The following ZNF540 variants were observed in gnomAD, a reference collection of about 807,000 sequenced individuals.
ZNF540 encodes CTD-3064H18.6.
ZNF540 carries 3 observed loss-of-function variants against 11.8 expected under a neutral mutation model. The ratio of observed to expected loss-of-function variants is 0.25; its 90% CI spans 0.12 to 0.65. The LOEUF (loss-of-function observed/expected upper bound fraction) is 0.65, where lower values mean the gene tolerates loss of function less well. Ranked by LOEUF, ZNF540 falls within the 30% of genes least tolerant of loss-of-function variation. The pLI is 0.83. For synonymous variants in ZNF540, 247 were observed against 259.0 expected (o/e 0.95, Z 0.45); for missense variants, 709 against 793.1 (o/e 0.89, Z 1.27).
At chr19:37,576,446 A>G (rs963926127) in intron 1 of ZNF540, among the ~76,000 whole-genome samples, 1 of 152,218 alleles carries the variant, frequency 6.6e-6, no homozygotes, top group Non-Finnish European at 1.5e-5. Flanking sequence ...ACTAATTAGC[A>G]GCTCGTAAAA....
Position 37,598,345 on chromosome 19 carries a change from C to T in ZNF540, c.-72-31C>T. On this transcript the variant is annotated intron_variant, in intron 1 of 4. Coordinates refer to ENST00000316433, the MANE Select transcript of ZNF540 (RefSeq NM_001172225.3). ...GTTACCTCTGAGGCAGACCTAGTCT[C>T]ACTGTCTCATTTTTTTCTCCTCTAA... 5 of 1,143,382 alleles carry T rather than the reference C, an allele frequency of 4.4e-6. No homozygotes were observed. In the South Asian group the frequency reaches 6.6e-5, roughly 15 times the overall value. The allele number at this position is 1,143,382 out of a possible 1,614,324, so 70.8% of individuals were successfully genotyped here.
At chr19:37,609,067 G>A (rs1019396332) in intron 4 of ZNF540, among the ~76,000 whole-genome samples, 4 of 152,036 alleles carry the variant, frequency 2.6e-5, no homozygotes, top group African/African-American at 9.7e-5. Context: ...ATACTATTCA[G>A]TTACTCTGTT....
chr19:37,551,778 G>A (rs1212761215), intron 1 of ZNF540: 1 of 152,282 alleles, frequency 6.6e-6, no homozygotes, highest in African/African-American at 2.4e-5. Flanking sequence ...GTTTCTGTGC[G>A]AGTGTTGCAT....
intron 1 of ZNF540, chr19:37,586,393 G>A (rs1372640720): frequency 8.4e-6 from 4 of 478,742 alleles, no homozygotes; most frequent in African/African-American, 7.9e-5. Context: ...AATCTTAAAA[G>A]GAGGTATTTC....
chr19:37,587,148 G>A (rs1476813249), intron 1 of ZNF540: 1 of 155,628 alleles, frequency 6.4e-6, no homozygotes, highest in Non-Finnish European at 1.4e-5. Context: ...AGACATATCA[G>A]GGTCAACAGA....
Position 37,565,171 on chromosome 19 carries a change from G to A in ZNF540, c.-73+13506G>A, listed in dbSNP as rs766274941. 3.7e-6 allele frequency: 6 copies of A among 1,611,864 alleles called. No individual in the cohort carries two copies. The African/African-American group carries it at 5.4e-5, about 14-fold the overall frequency. On this transcript the variant is annotated intron_variant, in intron 1 of 4. Coordinates refer to the ZNF540 transcript ENST00000592533. ...AGGCCTTTCCACATTCCTTACATTTGTAGGGCTTCTCTCCGGTATGAATTC... is the reference window on the plus strand; with the variant it reads ...AGGCCTTTCCACATTCCTTACATTTATAGGGCTTCTCTCCGGTATGAATTC...
At chr19:37,557,313 C>T (rs562806682) in intron 1 of ZNF540, among the ~76,000 whole-genome samples, 9 of 152,242 alleles carry the variant, frequency 5.9e-5, no homozygotes, top group East Asian at 1.9e-4. Context: ...GCTTTGAAGA[C>T]GGGGGATTCT....
upstream of ZNF540, chr19:37,594,206 A>G (rs1212384048): frequency 6.6e-6 from 1 of 152,262 alleles, no homozygotes; most frequent in Admixed American, 6.5e-5. Context: ...GAAACTTCAA[A>G]AAGAGCCTCT....
chr19:37,588,032 G>A (rs1387950409), intron 1 of ZNF540, among the ~76,000 whole-genome samples: 2 of 147,652 alleles, frequency 1.4e-5, no homozygotes, highest in Non-Finnish European at 3.0e-5. Context: ...CGCGGGAGGT[G>A]GAGGTTGCAG....
chr19:37,594,579 G>C (rs2043962876), upstream of ZNF540: 1 of 152,318 alleles, frequency 6.6e-6, no homozygotes, highest in Admixed American at 6.5e-5. Context: ...CTCCGCAAGC[G>C]CAAGGCCGAC....
intron 4 of ZNF540, among the ~76,000 whole-genome samples, chr19:37,603,174 A>G (rs1285416089): frequency 6.6e-6 from 1 of 151,928 alleles, no homozygotes; most frequent in Non-Finnish European, 1.5e-5. Flanking sequence ...CGCCTGGCTA[A>G]TTTTTGTATT....
intron 1 of ZNF540, among the ~76,000 whole-genome samples, chr19:37,574,423 T>A (rs1418993124): frequency 6.6e-6 from 1 of 152,220 alleles, no homozygotes; most frequent in Non-Finnish European, 1.5e-5. Flanking sequence ...TTATTTTCAC[T>A]AAATTTTTTT....
intron 1 of ZNF540, chr19:37,566,025 T>A (rs767576544): frequency 6.2e-7 from 1 of 1,614,070 alleles, no homozygotes. Context: ...AATTTTTCCT[T>A]GGTAGGAATT....
intron 1 of ZNF540, among the ~76,000 whole-genome samples, chr19:37,576,947 C>G (rs2147179885): frequency 6.6e-6 from 1 of 152,200 alleles, no homozygotes; most frequent in South Asian, 2.1e-4. Context: ...GTAAACCTCA[C>G]TATCTCTTGC....
chr19:37,603,143 T>G (rs576370133), intron 4 of ZNF540, among the ~76,000 whole-genome samples: 24 of 151,502 alleles, frequency 1.6e-4, no homozygotes, highest in Non-Finnish European at 2.8e-4. Flanking sequence ...GAGTAGCTGG[T>G]ATTACAGGCG....
chr19:37,592,878 A>G (rs571206683), upstream of ZNF540, among the ~76,000 whole-genome samples: 10 of 152,374 alleles, frequency 6.6e-5, no homozygotes, highest in Non-Finnish European at 1.5e-4. Flanking sequence ...ACAAATCAAC[A>G]GCACCAATTA....
intron 1 of ZNF540, chr19:37,565,070 C>A: frequency 6.2e-7 from 1 of 1,613,330 alleles, no homozygotes; most frequent in Non-Finnish European, 8.5e-7. Flanking sequence ...AAAGGCCTTT[C>A]CACATTCCTT....
Position 37,583,911 on chromosome 19 carries a change from C to T in ZNF540, c.-72-14465C>T, listed in dbSNP as rs971040733. 1.1e-5 allele frequency: 16 copies of T among 1,519,468 alleles called. No homozygotes were observed. In the Admixed American group the frequency reaches 3.0e-4, roughly 29 times the overall value. 94.1% of individuals were successfully genotyped at this position (1,519,468 alleles called of 1,614,324 possible). A position where few individuals can be genotyped will look rare whatever the true frequency, so the allele number is the denominator to read the frequency against. ...TTAGGGAATGGAGATCAGAAATTCA[C>T]AATGAATGAGGCAGAAATTATGGGG... On this transcript the variant is annotated intron_variant, in intron 1 of 4. Transcript: ENST00000592533.
intron 3 of ZNF540, 57 bp downstream of exon 3, chr19:37,599,809 C>T (rs1381412956): frequency 6.8e-7 from 1 of 1,481,440 alleles, no homozygotes; most frequent in Non-Finnish European, 9.0e-7. Flanking sequence ...GTAGCTTTCT[C>T]TTCCACAAAT....
Sources: gnomAD v4.1 joint callset for allele counts (sites outside exome capture counted in the v4.1 genomes callset) on GRCh38, gnomAD v4.1.1 for gene constraint, MANE v1.5 for transcripts, NCBI Gene and HGNC (gene_info 2026-07-23, HGNC 2026-07-21) for gene names.